WDR41: variants seen among roughly 807,000 people sequenced by gnomAD.
WDR41 encodes the protein WD repeat domain 41, also known as WD repeat-containing protein 41.
A neutral mutation model predicts 69.3 loss-of-function variants in WDR41; 63 were observed. The ratio of observed to expected loss-of-function variants is 0.91; its 90% CI spans 0.74 to 1.12. WDR41 has a LOEUF of 1.12. Ranked by LOEUF, WDR41 falls within the 50% of genes most tolerant of loss-of-function variation. The probability of loss-of-function intolerance (pLI) is 0.00; values close to 1 mark genes in which losing one functional copy is unlikely to be tolerated. For synonymous variants in WDR41, 185 were observed against 192.1 expected, an observed-to-expected ratio of 0.96 and a Z score of 0.31; for missense variants, 543 against 534.5, an observed-to-expected ratio of 1.02 and a Z score of -0.16.
chr5:77,545,802 A>C, intron 1 of WDR41: 1 of 1,018,482 alleles, frequency 9.8e-7, no homozygotes, highest in South Asian at 1.7e-5. Flanking sequence ...TCTGGGTGTT[A>C]AGTGCTCCAA....
intron 1 of WDR41, among the ~76,000 whole-genome samples, chr5:77,607,155 A>G (rs1286974222): frequency 1.3e-5 from 2 of 152,336 alleles, no homozygotes; most frequent in African/African-American, 2.4e-5. Flanking sequence ...TCAAACTATT[A>G]TTAGATATTA....
intron 1 of WDR41, chr5:77,546,044 GA>G (rs960322148): frequency 5.1e-5 from 29 of 564,448 alleles, no homozygotes; most frequent in Non-Finnish European, 8.1e-5. Flanking sequence ...GGCTGGTATT[GA>G]TGACTGCTAC....
intron 1 of WDR41, among the ~76,000 whole-genome samples, chr5:77,600,871 C>A (rs923675224): frequency 6.7e-6 from 1 of 149,240 alleles, no homozygotes; most frequent in Non-Finnish European, 1.5e-5. Context: ...CAAAGTGAGA[C>A]AATGTCTCAA....
At chr5:77,503,774 C>T (rs1387611654) in intron 1 of WDR41, among the ~76,000 whole-genome samples, 7 of 152,148 alleles carry the variant, frequency 4.6e-5, no homozygotes, top group Non-Finnish European at 1.5e-5. Context: ...TCCTGAATGA[C>T]TACTGGGGAA....
chr5:77,472,052 G>A (rs1221088285), intron 2 of WDR41, among the ~76,000 whole-genome samples: 1 of 152,146 alleles, frequency 6.6e-6, no homozygotes, highest in Non-Finnish European at 1.5e-5. Context: ...GAATCCAGCA[G>A]CACATCAAAA....
chr5:77,574,141 T>C (rs1473179243), intron 1 of WDR41, among the ~76,000 whole-genome samples: 1 of 151,818 alleles, frequency 6.6e-6, no homozygotes, highest in East Asian at 1.9e-4. Context: ...CTACTAAAAA[T>C]ACAAAAATTA....
chr5:77,434,529 A>T (rs1798864343), intron 12 of WDR41, among the ~76,000 whole-genome samples: 1 of 151,898 alleles, frequency 6.6e-6, no homozygotes, highest in Non-Finnish European at 1.5e-5. Context: ...ACATGGTGAC[A>T]CCCCATCTCT....
chr5:77,579,008 TA>T (rs1743887818), intron 1 of WDR41, among the ~76,000 whole-genome samples: 1 of 151,788 alleles, frequency 6.6e-6, no homozygotes, highest in Non-Finnish European at 1.5e-5. Context: ...AAGAAAATTT[TA>T]AAATTCACTA....
At chr5:77,442,894 C>CAAGAAAAAAAAAA (rs1799225725) in intron 8 of WDR41, among the ~76,000 whole-genome samples, 1 of 56,260 alleles carries the variant, frequency 1.8e-5, no homozygotes, top group Non-Finnish European at 2.8e-5. Flanking sequence ...TCTGTCTCCC[C>CAAGAAAAAAAAAA]AAAAAAAAAA....
At chr5:77,478,258 T>C (rs1372304162) in intron 2 of WDR41, among the ~76,000 whole-genome samples, 1 of 152,208 alleles carries the variant, frequency 6.6e-6, no homozygotes, top group African/African-American at 2.4e-5. Flanking sequence ...AAGGAGGAAC[T>C]GGTACAATTC....
At chr5:77,569,482 C>A (rs1371090227) in intron 1 of WDR41, among the ~76,000 whole-genome samples, 2 of 151,998 alleles carry the variant, frequency 1.3e-5, no homozygotes, top group Non-Finnish European at 2.9e-5. Flanking sequence ...ATCAACCACC[C>A]AGAGCTCTCA....
At position 77,433,080 on chromosome 5, in the gene WDR41, A is replaced by G; in HGVS notation, c.*55T>C. 1.3e-6 allele frequency: 2 copies of G among 1,523,750 alleles called. No individual in the cohort carries two copies. The highest frequency in any genetic ancestry group is 1.8e-6 in the Non-Finnish European group (2 of 1,132,762). The allele number at this position is 1,523,750 out of a possible 1,614,324, so 94.4% of individuals were successfully genotyped here. On this transcript the variant is annotated 3_prime_UTR_variant, in exon 13 of 13. Coordinates refer to ENST00000296679, the MANE Select transcript of WDR41 (RefSeq NM_018268.4). ...TCAATATATTAATGGTTTTCAGAGT[A>G]GTACCCGATATTTGATGTTCAAGGT...
At chr5:77,488,932 A>G (rs1801643832) in intron 2 of WDR41, among the ~76,000 whole-genome samples, 1 of 152,206 alleles carries the variant, frequency 6.6e-6, no homozygotes, top group Non-Finnish European at 1.5e-5. Context: ...CCTAAAGCCT[A>G]TACACCTTCA....
At chr5:77,545,758 T>A in intron 1 of WDR41, 1 of 713,018 alleles carries the variant, frequency 1.4e-6, no homozygotes, top group South Asian at 2.2e-5. Flanking sequence ...GTTTGTTGCC[T>A]TGACTACATT....
chr5:77,451,673 C>T (rs1311150046), intron 6 of WDR41: 1 of 212,722 alleles, frequency 4.7e-6, no homozygotes, highest in African/African-American at 2.3e-5. Flanking sequence ...AGATAATCAC[C>T]ATCACCCATT....
At chr5:77,518,047 C>T (rs996395689) in intron 1 of WDR41, among the ~76,000 whole-genome samples, 2 of 152,052 alleles carry the variant, frequency 1.3e-5, no homozygotes, top group Non-Finnish European at 2.9e-5. Context: ...AAAAGTGTTG[C>T]ATTGTAACCA....
chr5:77,568,004 T>C (rs1313855687), intron 1 of WDR41, among the ~76,000 whole-genome samples: 4 of 152,088 alleles, frequency 2.6e-5, no homozygotes, highest in African/African-American at 7.2e-5. Context: ...TTTTTTTTCT[T>C]GTTCCACAAC....
At position 77,431,998 on chromosome 5, in the gene WDR41, A is replaced by G. The variant is rs1285091892; in HGVS notation, c.*1137T>C. 6.6e-6 allele frequency: 1 copy of G among 152,234 alleles called. No individual in the cohort carries two copies. Among genetic ancestry groups the G allele is most frequent in the Non-Finnish European group, 1.5e-5 (1 of 68,046 alleles). 9.4% of individuals were successfully genotyped at this position (152,234 alleles called of 1,614,324 possible). A position where few individuals can be genotyped will look rare whatever the true frequency, so the allele number is the denominator to read the frequency against. ...CCTCAGTTTCCTCATTTGTAACATTATGCCACTGGTCTACTCAGATGACCT... is the reference window on the plus strand; with the variant it reads ...CCTCAGTTTCCTCATTTGTAACATTGTGCCACTGGTCTACTCAGATGACCT... On this transcript the variant is annotated 3_prime_UTR_variant, in exon 13 of 13. Transcript: ENST00000296679.
At chr5:77,506,536 G>A (rs1802111132) in intron 1 of WDR41, among the ~76,000 whole-genome samples, 1 of 152,044 alleles carries the variant, frequency 6.6e-6, no homozygotes, top group Non-Finnish European at 1.5e-5. Flanking sequence ...CCCATTACTG[G>A]GTATATACCC....
Sources: gnomAD v4.1 joint callset for allele counts (sites outside exome capture counted in the v4.1 genomes callset) on GRCh38, gnomAD v4.1.1 for gene constraint, MANE v1.5 for transcripts, NCBI Gene and HGNC (gene_info 2026-07-23, HGNC 2026-07-21) for gene names.